CBLC: variants seen among roughly 807,000 people sequenced by gnomAD.
CBLC encodes the protein Cbl proto-oncogene C, also known as E3 ubiquitin-protein ligase CBL-C.
CBLC carries 46 observed loss-of-function variants against 58.6 expected under a neutral mutation model. That is an observed-to-expected ratio of 0.79 (90% confidence interval 0.62 to 1.00). The LOEUF is 1.00. CBLC is among the 50% of genes least tolerant of loss of function. The probability of loss-of-function intolerance (pLI) is 0.00; values close to 1 mark genes in which losing one functional copy is unlikely to be tolerated. For synonymous variants in CBLC, 271 were observed against 264.2 expected (o/e 1.03, Z -0.25); for missense variants, 655 against 625.8 (o/e 1.05, Z -0.50).
In CBLC at chr19:44,781,192, C is replaced by T; in HGVS notation, c.501-15C>T. 6.2e-7 allele frequency: 1 copy of T among 1,602,894 alleles called. No individual in the cohort carries two copies. Among genetic ancestry groups the T allele is most frequent in the Non-Finnish European group, 8.5e-7 (1 of 1,173,672 alleles). On this transcript the variant is annotated splice_polypyrimidine_tract_variant and intron_variant, in intron 2 of 10. Coordinates refer to ENST00000647358, the MANE Select transcript of CBLC (RefSeq NM_012116.4). ...GAGGCCTCAGCGGTGTCTCCCCCAC[C>T]CCTCTCCCACCCAGGTGTGTGCTGC...
At position 44,793,539 on chromosome 19, in the gene CBLC, C is replaced by T. The variant is rs1043138391; in HGVS notation, c.1203C>T (p.Ile401=). Residue 401 remains isoleucine, a synonymous_variant, in exon 8 of 11, where the codon ATC becomes ATT. Coordinates refer to ENST00000647358, the MANE Select transcript of CBLC (RefSeq NM_012116.4). ...CEIKGWEAVS[I]YQFHGQATAE... ...TCAAGGGCTGGGAGGCCGTGAGTAT[C>T]TACCAGTTCCACGGTCAGGCTACTG... is the stretch of plus-strand genomic sequence containing the variant. The T allele has an allele frequency of 6.2e-7, 1 of 1,612,940 alleles. No homozygotes were observed. Among genetic ancestry groups the T allele is most frequent in the Non-Finnish European group, 8.5e-7 (1 of 1,179,676 alleles).
chr19:44,779,310 C>G (rs1967660772), intron 1 of CBLC, among the ~76,000 whole-genome samples: 1 of 152,078 alleles, frequency 6.6e-6, no homozygotes, highest in African/African-American at 2.4e-5. Flanking sequence ...TGGACACACC[C>G]AAAGAAACTG....
chr19:44,799,174 C>T (rs550559488), intron 9 of CBLC, among the ~76,000 whole-genome samples: 13 of 152,166 alleles, frequency 8.5e-5, no homozygotes, highest in South Asian at 2.1e-4. Flanking sequence ...CTTCTCAGAG[C>T]GAAAAACAGG....
intron 6 of CBLC, 34 bp downstream of exon 6, chr19:44,790,125 C>T (rs1278772889): frequency 6.5e-7 from 1 of 1,527,622 alleles, no homozygotes; most frequent in Admixed American, 1.7e-5. Context: ...AGTCCCAGTT[C>T]CCTGACCCTG....
At chr19:44,785,259 C>T (rs917592482) in intron 5 of CBLC, among the ~76,000 whole-genome samples, 6 of 151,774 alleles carry the variant, frequency 4.0e-5, no homozygotes, top group Non-Finnish European at 8.8e-5. Flanking sequence ...AGGCATGAGC[C>T]ACCATGCCCG....
At position 44,789,998 on chromosome 19, in the gene CBLC, C is replaced by G; in HGVS notation, c.918-6C>G. Reference sequence around the variant, plus strand: ...CCCCCAGTCCCCCTCTCTTCCCTTCCCCCAGCTACCTCTACCCAGATGGAA... The same window carrying G: ...CCCCCAGTCCCCCTCTCTTCCCTTCGCCCAGCTACCTCTACCCAGATGGAA... On this transcript the variant is annotated splice_polypyrimidine_tract_variant and splice_region_variant and intron_variant, in intron 5 of 10. Coordinates refer to ENST00000647358, the MANE Select transcript of CBLC (RefSeq NM_012116.4). The G allele has an allele frequency of 6.2e-7, 1 of 1,610,168 alleles. No homozygotes were observed.
At position 44,777,920 on chromosome 19, in the gene CBLC, C is replaced by A. The variant is rs757331996; in HGVS notation, c.-12C>A. 1.3e-6 allele frequency: 2 copies of A among 1,554,304 alleles called. No individual in the cohort carries two copies. The highest frequency in any genetic ancestry group is 1.2e-5 in the South Asian group (1 of 84,878). On this transcript the variant is annotated 5_prime_UTR_variant, in exon 1 of 11. Coordinates refer to ENST00000647358, the MANE Select transcript of CBLC (RefSeq NM_012116.4). ...AGCCGCACCGGTCCTTCCCGGCACA[C>A]GCGAGGCTCCCATGGCTCTGGCGGT... is the stretch of plus-strand genomic sequence containing the variant.
chr19:44,793,025 G>C lies in CBLC; in HGVS notation c.1138-449G>C, dbSNP rs377477466. 7.9e-5 allele frequency among the ~76,000 whole-genome samples: 12 copies of C among 152,272 alleles called. No individual in the cohort carries two copies. The East Asian group carries it at 1.7e-3, about 22-fold the overall frequency. ...AAATTAGACGGGTGTGGTGGTAGGG[G>C]CCTGTAATCCCAGCTGCTCGGGAGG... On this transcript the variant is annotated intron_variant, in intron 7 of 10. Coordinates refer to ENST00000647358, the MANE Select transcript of CBLC (RefSeq NM_012116.4).
chr19:44,780,754 T>G, intron 1 of CBLC, 151 bp from the exon 2 acceptor site: 16 of 797,478 alleles, frequency 2.0e-5, no homozygotes, highest in Non-Finnish European at 3.1e-5. Flanking sequence ...ATTACAGGCG[T>G]GAGCCACCAC....
At chr19:44,791,996 CT>C (rs113106418) in intron 6 of CBLC, among the ~76,000 whole-genome samples, 13,361 of 140,964 alleles carry the variant, frequency 0.095, 975 homozygotes, top group African/African-American at 0.21. Flanking sequence ...TTCTTTCTTT[CT>C]TTTTTTTTTT....
At chr19:44,794,419 G>A (rs377303179) in intron 9 of CBLC, 138 bp downstream of exon 9, 1 of 540,374 alleles carries the variant, frequency 1.9e-6, no homozygotes, top group African/African-American at 2.1e-5. Context: ...TCCCCTCTGT[G>A]ACCTCTTCCC....
At chr19:44,784,485 C>A (rs1967834936) in intron 5 of CBLC, 84 bp downstream of exon 5, 5 of 1,368,430 alleles carry the variant, frequency 3.7e-6, no homozygotes, top group Non-Finnish European at 4.9e-6. Context: ...CGGTGGCCAC[C>A]ACGTTTGAGG....
chr19:44,789,246 T>C (rs139967478), intron 5 of CBLC, among the ~76,000 whole-genome samples: 13 of 152,258 alleles, frequency 8.5e-5, no homozygotes, highest in African/African-American at 2.9e-4. Context: ...TGGGTCACTG[T>C]CTGTGAGGGA....
chr19:44,793,669 T>G (rs1406729360), intron 8 of CBLC, 49 bp downstream of exon 8: 1 of 1,488,488 alleles, frequency 6.7e-7, no homozygotes, highest in Non-Finnish European at 8.9e-7. Context: ...GAGGCCTGAG[T>G]GGGGAGGGAC....
chr19:44,797,408 G>C (rs912100599), intron 9 of CBLC, among the ~76,000 whole-genome samples: 93 of 151,790 alleles, frequency 6.1e-4, no homozygotes, highest in African/African-American at 2.0e-3. Context: ...TCACCACCAT[G>C]CCTGGCTAAT....
At chr19:44,792,343 G>T (rs766980844) in intron 6 of CBLC, 40 bp from the exon 7 acceptor site, 2 of 1,608,724 alleles carry the variant, frequency 1.2e-6, no homozygotes, top group Non-Finnish European at 8.5e-7. Flanking sequence ...CGTGGCTGAC[G>T]CATGCCCCTC....
At chr19:44,784,427 G>C in intron 5 of CBLC, 26 bp downstream of exon 5, 1 of 1,549,528 alleles carries the variant, frequency 6.5e-7, no homozygotes. Context: ...GGTAGGAGGA[G>C]GGTGTCAGCA....
In CBLC at chr19:44,781,240, C is replaced by T; in HGVS notation, c.534C>T (p.Leu178=). 1 of 1,613,718 alleles carries T rather than the reference C, an allele frequency of 6.2e-7. No individual in the cohort carries two copies. The highest frequency in any genetic ancestry group is 8.5e-7 in the Non-Finnish European group (1 of 1,179,942). Residue 178 remains leucine (L), a synonymous_variant, in exon 3 of 11, where the codon CTC becomes CTT. Transcript: ENST00000647358. ...CVLPWAEFES[L]LGTCHPVEPG... is the part of the protein sequence containing the mutation. ...TGCCCTGGGCTGAGTTTGAGTCCCT[C>T]CTGGGCACCTGCCACCCTGTGGAAC...
At chr19:44,797,049 G>A (rs1200390185) in intron 9 of CBLC, among the ~76,000 whole-genome samples, 1 of 152,116 alleles carries the variant, frequency 6.6e-6, no homozygotes, top group Non-Finnish European at 1.5e-5. Context: ...AGGACAGCAG[G>A]CTGACAGGGA....
Sources: gnomAD v4.1 joint callset for allele counts (sites outside exome capture counted in the v4.1 genomes callset) on GRCh38, gnomAD v4.1.1 for gene constraint, MANE v1.5 for transcripts, NCBI Gene and HGNC (gene_info 2026-07-23, HGNC 2026-07-21) for gene names.